PLCH2: variants seen among roughly 807,000 people sequenced by gnomAD.
PLCH2 encodes 1-phosphatidylinositol 4,5-bisphosphate phosphodiesterase eta-2.
PLCH2 carries 98 observed loss-of-function variants against 134.7 expected under a neutral mutation model. That is an observed-to-expected ratio of 0.73 (90% CI 0.62 to 0.86). The LOEUF is 0.86. Ranked by LOEUF, PLCH2 falls within the 40% of genes least tolerant of loss-of-function variation. The pLI is 0.00. For synonymous variants in PLCH2, 974 were observed against 827.5 expected, an observed-to-expected ratio of 1.18 and a Z score of -3.04; for missense variants, 1,994 against 1,986.6, an observed-to-expected ratio of 1.00 and a Z score of -0.07.
intron 19 of PLCH2, among the ~76,000 whole-genome samples, 195 bp from the exon 20 acceptor site, chr1:2,499,446 T>G (rs1643089945): frequency 6.6e-6 from 1 of 152,052 alleles, no homozygotes; most frequent in Non-Finnish European, 1.5e-5. Context: ...AAGAGGTCCC[T>G]GCAGGCTGGT....
At chr1:2,436,247 C>T (rs1203043792) in intron 2 of PLCH2, among the ~76,000 whole-genome samples, 34 of 117,288 alleles carry the variant, frequency 2.9e-4, no homozygotes, top group African/African-American at 1.1e-3. Context: ...CTTCCTCCCT[C>T]CTCCCCTCCT....
At chr1:2,437,872 G>A (rs1639506844) in intron 2 of PLCH2, among the ~76,000 whole-genome samples, 3 of 152,110 alleles carry the variant, frequency 2.0e-5, no homozygotes, top group Admixed American at 6.5e-5. Flanking sequence ...ATGCACCCAC[G>A]CACGTGGCCG....
chr1:2,418,040 G>A, the PLCH2 span, among the ~76,000 whole-genome samples: 1 of 152,200 alleles, frequency 6.6e-6, no homozygotes, highest in African/African-American at 2.4e-5. Context: ...CCTGTGTCCT[G>A]CCCCCAAACG....
At chr1:2,459,789 C>T (rs945756776) in intron 2 of PLCH2, among the ~76,000 whole-genome samples, 24 of 152,382 alleles carry the variant, frequency 1.6e-4, no homozygotes, top group African/African-American at 5.5e-4. Flanking sequence ...GCAGTGCTGG[C>T]GCGTGGGGAA....
At position 2,504,304 on chromosome 1, in the gene PLCH2, C is replaced by G. The variant is rs1183327136; in HGVS notation, c.3342C>G (p.Pro1114=). 1.2e-6 allele frequency: 2 copies of G among 1,604,316 alleles called. No homozygotes were observed. Among genetic ancestry groups the G allele is most frequent in the African/African-American group, 2.7e-5 (2 of 74,660 alleles). The change falls in exon 22 of 22, where the codon CCC becomes CCG. Residue 1114 remains proline, a synonymous_variant. Transcript: ENST00000378486. ...PLGGWRPLAA[P]FPAPAVYSDA... is the part of the protein sequence containing the mutation. ...GAGGGTGGCGGCCCCTGGCCGCTCC[C>G]TTTCCAGCTCCTGCCGTGTACTCCG...
chr1:2,479,867 G>C lies in PLCH2; in HGVS notation c.405G>C (p.Leu135=), dbSNP rs1470722172. The change falls in exon 3 of 22, where the codon CTG becomes CTC. Residue 135 remains leucine (L), a synonymous_variant. Coordinates refer to ENST00000378486, the MANE Select transcript of PLCH2 (RefSeq NM_014638.4). ...YHGSHRESLD[L]VSTSSEVART... is the part of the protein sequence containing the mutation. ...GCAGCCACCGCGAGTCGCTGGACCT[G>C]GTCTCCACCAGCAGCGAGGTGGCGC... is the stretch of plus-strand genomic sequence containing the variant. 1 of 1,611,684 alleles carries C rather than the reference G, an allele frequency of 6.2e-7. No homozygotes were observed. The highest frequency in any genetic ancestry group is 1.1e-5 in the South Asian group (1 of 91,046).
chr1:2,494,905 G>A lies in PLCH2; in HGVS notation c.1709G>A (p.Arg570Lys). The A allele has an allele frequency of 6.2e-7, 1 of 1,605,966 alleles. No homozygotes were observed. Among genetic ancestry groups the A allele is most frequent in the Non-Finnish European group, 8.5e-7 (1 of 1,177,396 alleles). The change falls in exon 12 of 22, where the codon AGA becomes AAA. Residue 570 changes from arginine (R) to lysine (K), a missense_variant. Around this residue, in one of 2 missense-constraint regions of PLCH2, gnomAD observed 1,094 missense variants for 1,234.3 expected, o/e 0.89. Transcript: ENST00000378486. ...VESGEDAGAS[R>K]RNGRLVVGSF... is the part of the protein sequence containing the mutation. ...TCTGGGGAGGATGCCGGGGCCAGCA[G>A]ACGCAATGGCCGCCTCGTCGTGGGA...
Position 2,496,941 on chromosome 1 carries a change from CCCT to C in PLCH2, c.2054_2056del (p.Ser685del), listed in dbSNP as rs1642927420. On this transcript the variant is annotated inframe_deletion, in exon 15 of 22. Coordinates refer to ENST00000378486, the MANE Select transcript of PLCH2 (RefSeq NM_014638.4). ...CCAGCAGCAGCTCTCCCGCATCTAC[CCCT>C]CCTCCTACCGTGTGGACTCCAGCAA... 5 of 1,613,360 alleles carry C rather than the reference CCCT, an allele frequency of 3.1e-6. No homozygotes were observed. The East Asian group carries it at 6.7e-5, about 22-fold the overall frequency.
chr1:2,417,404 G>C, the PLCH2 span, among the ~76,000 whole-genome samples: 1 of 134,004 alleles, frequency 7.5e-6, no homozygotes, highest in Non-Finnish European at 1.7e-5. Context: ...GGCACTAAGG[G>C]TGGGCCCTGC....
At chr1:2,491,593 C>T (rs1047557761) in intron 11 of PLCH2, among the ~76,000 whole-genome samples, 4 of 152,226 alleles carry the variant, frequency 2.6e-5, no homozygotes, top group African/African-American at 2.4e-5. Flanking sequence ...CCCTGCCCAG[C>T]GCCCCTGCCT....
In PLCH2 at chr1:2,504,968, C is replaced by T. The variant is rs11801779; in HGVS notation, c.4006C>T (p.Arg1336Trp). ...GGTGGCAGGGGGCCCTGGTTTTGTG[C>T]GGCGCTCCTCCTCCCGCAGCCACAG... ...EGVAGGPGFV[R>W]RSSSRSHSRV... The change falls in exon 22 of 22, where the codon CGG (arginine) becomes TGG (tryptophan). Residue 1336 changes from arginine (R) to tryptophan (W), a missense_variant. This residue lies in a region of PLCH2 where 900 missense variants were observed against 752.3 expected (regional missense o/e 1.20). Coordinates refer to ENST00000378486, the MANE Select transcript of PLCH2 (RefSeq NM_014638.4). 1.6e-5 allele frequency: 25 copies of T among 1,551,064 alleles called. No homozygotes were observed. Among genetic ancestry groups the T allele is most frequent in the African/African-American group, 6.8e-5 (5 of 73,452 alleles).
chr1:2,501,745 G>A, intron 20 of PLCH2: 1 of 235,278 alleles, frequency 4.3e-6, no homozygotes, highest in Non-Finnish European at 8.2e-6. Flanking sequence ...CTGAGCAGGT[G>A]CAGGCTGTGG....
At chr1:2,475,532 C>G (rs1242588260), upstream of PLCH2, among the ~76,000 whole-genome samples, 3 of 152,200 alleles carry the variant, frequency 2.0e-5, no homozygotes, top group Non-Finnish European at 4.4e-5. Flanking sequence ...ACAGGGTGGG[C>G]TGTGTGGTCC....
chr1:2,478,762 G>T lies in PLCH2; in HGVS notation c.271+140G>T, dbSNP rs1267311187. On this transcript the variant is annotated intron_variant, in intron 2 of 21. Coordinates refer to ENST00000378486, the MANE Select transcript of PLCH2 (RefSeq NM_014638.4). Reference sequence around the variant, plus strand: ...CACCTCTGGGCTCAGTGGCCTTGGGGATCTGCAGTGACCTCGGGCTGTGGG... The same window carrying T: ...CACCTCTGGGCTCAGTGGCCTTGGGTATCTGCAGTGACCTCGGGCTGTGGG... 9.5e-6 allele frequency: 8 copies of T among 839,022 alleles called. No homozygotes were observed. In the Admixed American group the frequency reaches 2.0e-4, roughly 21 times the overall value. The allele number at this position is 839,022 out of a possible 1,614,324, so 52.0% of individuals were successfully genotyped here.
Position 2,505,309 on chromosome 1 carries a change from G to C in PLCH2, c.*96G>C. 1 of 931,616 alleles carries C rather than the reference G, an allele frequency of 1.1e-6. No homozygotes were observed. The highest frequency in any genetic ancestry group is 1.6e-6 in the Non-Finnish European group (1 of 636,080). 57.7% of individuals were successfully genotyped at this position (931,616 alleles called of 1,614,324 possible). The stretch of plus-strand genomic sequence containing the variant: ...ACAGGGCAGCCAGGCCCCCAAAACT[G>C]TGTCCCCCTGGCTGCCCTGTGTCCC... On this transcript the variant is annotated 3_prime_UTR_variant, in exon 22 of 22. Coordinates refer to ENST00000378486, the MANE Select transcript of PLCH2 (RefSeq NM_014638.4).
At chr1:2,441,998 G>T (rs1325878488) in intron 2 of PLCH2, among the ~76,000 whole-genome samples, 1 of 152,202 alleles carries the variant, frequency 6.6e-6, no homozygotes, top group African/African-American at 2.4e-5. Flanking sequence ...CCGGCACAGA[G>T]TCTCCAGGGC....
At position 2,478,513 on chromosome 1, in the gene PLCH2, G is replaced by A. The variant is rs1016637834; in HGVS notation, c.162G>A (p.Gln54=). 12 of 1,612,816 alleles carry A rather than the reference G, an allele frequency of 7.4e-6. No individual in the cohort carries two copies. In the African/African-American group the frequency reaches 1.5e-4, roughly 20 times the overall value. The change falls in exon 2 of 22, where the codon CAG becomes CAA. Residue 54 remains glutamine (Q), a synonymous_variant. Transcript: ENST00000378486. ...RCMGAMQEGM[Q]MVKLRGGSKG... ...TGGGTGCCATGCAAGAGGGGATGCA[G>A]ATGGTGAAGCTGCGTGGCGGCTCCA...
chr1:2,480,270 C>T lies in PLCH2; in HGVS notation c.603C>T (p.Leu201=), dbSNP rs1641890710. The part of the protein sequence containing the change: ...IGEVLQLLHK[L]NVNLPRQRVK... ...AGGTCCTGCAGCTGCTGCACAAGCTCAACGTGAACCTGCCCCGGCAGAGGG... is the reference window on the plus strand; with the variant it reads ...AGGTCCTGCAGCTGCTGCACAAGCTTAACGTGAACCTGCCCCGGCAGAGGG... Residue 201 remains leucine, a synonymous_variant, in exon 4 of 22, where the codon CTC becomes CTT. Coordinates refer to ENST00000378486, the MANE Select transcript of PLCH2 (RefSeq NM_014638.4). 1 of 1,612,726 alleles carries T rather than the reference C, an allele frequency of 6.2e-7. No homozygotes were observed. The highest frequency in any genetic ancestry group is 8.5e-7 in the Non-Finnish European group (1 of 1,179,818).
intron 2 of PLCH2, among the ~76,000 whole-genome samples, chr1:2,450,649 C>CCCCG (rs1640163220): frequency 1.4e-5 from 1 of 70,876 alleles, no homozygotes; most frequent in African/African-American, 5.9e-5. Flanking sequence ...GCCCCCCGCT[C>CCCCG]CCTGTCTGCC....
Sources: gnomAD v4.1 joint callset for allele counts (sites outside exome capture counted in the v4.1 genomes callset) on GRCh38, gnomAD v4.1.1 for gene constraint, gnomAD v4.1.1 regional missense constraint, MANE v1.5 for transcripts, NCBI Gene and HGNC (gene_info 2026-07-23, HGNC 2026-07-21) for gene names.